SAMD10: variants seen among roughly 807,000 people sequenced by gnomAD.
The protein encoded by SAMD10 is sterile alpha motif domain-containing protein 10.
In SAMD10, 16 loss-of-function variants were observed where a neutral mutation model predicts 22.5. The observed-to-expected ratio is 0.71, with a 90% confidence interval of 0.48 to 1.08. The LOEUF (loss-of-function observed/expected upper bound fraction) is 1.08, where lower values mean the gene tolerates loss of function less well. Among genes scored for constraint, SAMD10 ranks in the 50% least tolerant of loss-of-function variants. The pLI, the probability that SAMD10 is intolerant of heterozygous loss-of-function variation, is 0.00. For missense variants in SAMD10, 227 were observed against 281.3 expected, an observed-to-expected ratio of 0.81 and a Z score of 1.38; for synonymous variants, 118 against 122.2, an observed-to-expected ratio of 0.97 and a Z score of 0.23.
chr20:63,976,127 C>T (rs780423853), intron 3 of SAMD10, among the ~76,000 whole-genome samples: 5 of 151,938 alleles, frequency 3.3e-5, no homozygotes, highest in Non-Finnish European at 7.4e-5. Context: ...GAGCTGAGAT[C>T]GTGCCACTGC....
rs1367448823 is a variant in SAMD10, at chr20:63,975,235, G to A, written c.*275C>T. ...CTGGCTCCAGGCAGCTGCCCCACAT[G>A]CTGCCAGCTGCACCAGGGGAGGGCT... On this transcript the variant is annotated 3_prime_UTR_variant, in exon 5 of 5. Transcript: ENST00000369886. 7 of 513,552 alleles carry A rather than the reference G, an allele frequency of 1.4e-5. No individual in the cohort carries two copies. The highest frequency in any genetic ancestry group is 4.9e-4 in the Middle Eastern group (1 of 2,030). The allele number at this position is 513,552 out of a possible 1,614,324, so 31.8% of individuals were successfully genotyped here.
intron 1 of SAMD10, chr20:63,978,388 G>A: frequency 1.9e-6 from 2 of 1,059,838 alleles, no homozygotes; most frequent in Non-Finnish European, 2.6e-6. Flanking sequence ...GGTGGGCACA[G>A]GCCTGCCCCT....
intron 1 of SAMD10, chr20:63,978,452 C>T (rs2059039812): frequency 2.3e-6 from 1 of 430,438 alleles, no homozygotes; most frequent in Admixed American, 2.9e-5. Flanking sequence ...GAGGTTCCCA[C>T]GCTAGGGCCC....
chr20:63,979,670 T>C (rs1277534763), upstream of SAMD10: 7 of 984,836 alleles, frequency 7.1e-6, no homozygotes, highest in Non-Finnish European at 8.4e-6. This position sits in a 1 kb window ranked among gnomAD's most constrained non-coding sequence, Gnocchi z 7.7. Context: ...AGCTCCGAGG[T>C]GTGTCGGCGG....
chr20:63,975,163 AAAT>A lies in SAMD10; in HGVS notation c.*344_*346del. 1 of 365,528 alleles carries A rather than the reference AAAT, an allele frequency of 2.7e-6. No homozygotes were observed. Among genetic ancestry groups the A allele is most frequent in the Non-Finnish European group, 5.0e-6 (1 of 200,576 alleles). 22.6% of individuals were successfully genotyped at this position (365,528 alleles called of 1,614,324 possible). On this transcript the variant is annotated 3_prime_UTR_variant, in exon 5 of 5. Transcript: ENST00000369886. ...CGACATCACGTGGAGAGGGGAATGTAAATAAACAGACTCCCTGGGAGTCTAGGG... is the reference window on the plus strand; with the variant it reads ...CGACATCACGTGGAGAGGGGAATGTAAAACAGACTCCCTGGGAGTCTAGGG...
rs2059015122 is a variant in SAMD10, at chr20:63,975,427, G to A, written c.*83C>T. 3 of 1,564,200 alleles carry A rather than the reference G, an allele frequency of 1.9e-6. No homozygotes were observed. The highest frequency in any genetic ancestry group is 2.6e-6 in the Non-Finnish European group (3 of 1,138,176). ...CCCGGCATCCCGCAGGGTCCAAGAG[G>A]CGCTGCGGGGCCAGCTTGGCCTCCT... On this transcript the variant is annotated 3_prime_UTR_variant, in exon 5 of 5. Coordinates refer to ENST00000369886, the MANE Select transcript of SAMD10 (RefSeq NM_080621.5).
chr20:63,976,912 G>T, intron 3 of SAMD10, 59 bp downstream of exon 3: 3 of 1,557,688 alleles, frequency 1.9e-6, no homozygotes, highest in Non-Finnish European at 2.7e-6. Context: ...TGAGTGTGGG[G>T]AAGAGACGCT....
At chr20:63,976,522 G>A (rs1569205996) in intron 3 of SAMD10, among the ~76,000 whole-genome samples, 1 of 151,986 alleles carries the variant, frequency 6.6e-6, no homozygotes, top group African/African-American at 2.4e-5. Context: ...CAGCACTTTG[G>A]GAGGCTGAGG....
chr20:63,979,429 A>G lies in SAMD10; in HGVS notation c.39T>C (p.Arg13=). The G allele has an allele frequency of 1.4e-6, 2 of 1,476,358 alleles. No individual in the cohort carries two copies. The highest frequency in any genetic ancestry group is 1.8e-6 in the Non-Finnish European group (2 of 1,120,104). 91.5% of individuals were successfully genotyped at this position (1,476,358 alleles called of 1,614,324 possible). Residue 13 remains arginine, a synonymous_variant, in exon 1 of 5, where the codon CGT becomes CGC. Transcript: ENST00000369886. The surrounding 1 kb of genome is among the most constrained non-coding windows in gnomAD (Gnocchi z 7.7). ...TELRSKLSPP[R]GRAGAVRAGF... The stretch of plus-strand genomic sequence containing the variant: ...CCGCGCGCACGGCCCCGGCGCGGCC[A>G]CGCGGGGGGCTCAGCTTGGACCTCA...
intron 3 of SAMD10, among the ~76,000 whole-genome samples, chr20:63,976,142 C>T (rs1371160384): frequency 6.6e-6 from 1 of 152,020 alleles, no homozygotes; most frequent in Admixed American, 6.5e-5. Flanking sequence ...CACTGCACTC[C>T]AGACTGGATG....
At chr20:63,975,964 G>A (rs375401430) in intron 3 of SAMD10, 132 bp from the exon 4 acceptor site, 4 of 939,734 alleles carry the variant, frequency 4.3e-6, no homozygotes, top group East Asian at 6.2e-5. Flanking sequence ...CTTGAGGTCA[G>A]GAGTTCAAGA....
At position 63,977,208 on chromosome 20, in the gene SAMD10, G is replaced by A. The variant is rs780572636; in HGVS notation, c.273+17C>T. On this transcript the variant is annotated intron_variant, in intron 2 of 4. Coordinates refer to ENST00000369886, the MANE Select transcript of SAMD10 (RefSeq NM_080621.5). The surrounding 1 kb of genome is among the most constrained non-coding windows in gnomAD (Gnocchi z 5.4). ...AGAAGGAGGGCAGGGACGGAGGTGG[G>A]TGGAGTGGGTGGGTACCTGGGGGGT... is the stretch of plus-strand genomic sequence containing the variant. 2.5e-6 allele frequency: 4 copies of A among 1,612,784 alleles called. No individual in the cohort carries two copies. Among genetic ancestry groups the A allele is most frequent in the Non-Finnish European group, 3.4e-6 (4 of 1,179,290 alleles).
At chr20:63,978,515 C>CTAGA (rs1380431325) in intron 1 of SAMD10, among the ~76,000 whole-genome samples, 1 of 152,168 alleles carries the variant, frequency 6.6e-6, no homozygotes, top group African/African-American at 2.4e-5. Flanking sequence ...ACTCAGCCAC[C>CTAGA]CACTCCACAC....
Position 63,979,031 on chromosome 20 carries a change from A to G in SAMD10, c.91+346T>C, listed in dbSNP as rs1195675717. Among the ~76,000 whole-genome samples, 1 of 152,130 alleles carries G rather than the reference A, an allele frequency of 6.6e-6. No individual in the cohort carries two copies. Among genetic ancestry groups the G allele is most frequent in the Non-Finnish European group, 1.5e-5 (1 of 68,024 alleles). The stretch of plus-strand genomic sequence containing the variant: ...AGAAGGAAATGGGGCGGGGGCACCG[A>G]GGCGGGATGTGACCTCGGCCCCCTT... On this transcript the variant is annotated intron_variant, in intron 1 of 4. Transcript: ENST00000369886. The surrounding 1 kb of genome is among the most constrained non-coding windows in gnomAD (Gnocchi z 7.7).
rs765468533 is a variant in SAMD10, at chr20:63,977,292, C to A, written c.206G>T (p.Arg69Leu). ...CCTGCTGCTGGCCGCCCTCTGGCTG[C>A]GGGAGTCATGCCACGTGAGGCTGGT... ...PGTSLTWHDS[R>L]SQRAASSRPI... is the part of the protein sequence containing the mutation. Residue 69 changes from arginine (R) to leucine (L), a missense_variant, in exon 2 of 5, where the codon CGC becomes CTC. By Grantham distance (102) the Arg-to-Leu change is moderately radical. Coordinates refer to ENST00000369886, the MANE Select transcript of SAMD10 (RefSeq NM_080621.5). This position sits in a 1 kb window ranked among gnomAD's most constrained non-coding sequence, Gnocchi z 5.4. The A allele has an allele frequency of 1.9e-6, 3 of 1,613,278 alleles. No homozygotes were observed. The highest frequency in any genetic ancestry group is 2.5e-6 in the Non-Finnish European group (3 of 1,180,020).
At position 63,975,393 on chromosome 20, in the gene SAMD10, C is replaced by T; in HGVS notation, c.*117G>A. The T allele has an allele frequency of 7.5e-7, 1 of 1,331,780 alleles. No individual in the cohort carries two copies. Among genetic ancestry groups the T allele is most frequent in the Non-Finnish European group, 1.1e-6 (1 of 946,860 alleles). 82.5% of individuals were successfully genotyped at this position (1,331,780 alleles called of 1,614,324 possible). A position where few individuals can be genotyped will look rare whatever the true frequency, so the allele number is the denominator to read the frequency against. On this transcript the variant is annotated 3_prime_UTR_variant, in exon 5 of 5. Coordinates refer to ENST00000369886, the MANE Select transcript of SAMD10 (RefSeq NM_080621.5). ...TGGTCCTGTCTGTCCGTTGGGCCAGCCTGGCCGCCCCGGCATCCCGCAGGG... is the reference window on the plus strand; with the variant it reads ...TGGTCCTGTCTGTCCGTTGGGCCAGTCTGGCCGCCCCGGCATCCCGCAGGG...
Position 63,977,025 on chromosome 20 carries a change from A to G in SAMD10, c.391T>C (p.Cys131Arg), listed in dbSNP as rs574706458. Residue 131 changes from cysteine to arginine, a missense_variant, in exon 3 of 5, where the codon TGT becomes CGT. Cys to Arg is a radical substitution (Grantham distance 180, BLOSUM62 -3). Coordinates refer to ENST00000369886, the MANE Select transcript of SAMD10 (RefSeq NM_080621.5). This position sits in a 1 kb window ranked among gnomAD's most constrained non-coding sequence, Gnocchi z 5.4. Reference protein sequence around the residue: ...QDVCKWLKKHCPHNYLVYVEA... With the variant: ...QDVCKWLKKHRPHNYLVYVEA... Reference sequence around the variant, plus strand: ...ACGTAGACGAGGTAGTTGTGGGGACAGTGCTTCTTGAGCCACTTGCAGACG... The same window carrying G: ...ACGTAGACGAGGTAGTTGTGGGGACGGTGCTTCTTGAGCCACTTGCAGACG... 1 of 1,614,178 alleles carries G rather than the reference A, an allele frequency of 6.2e-7. No individual in the cohort carries two copies. The highest frequency in any genetic ancestry group is 1.1e-5 in the South Asian group (1 of 91,088).
intron 3 of SAMD10, among the ~76,000 whole-genome samples, chr20:63,976,569 C>A: frequency 6.6e-6 from 1 of 151,468 alleles, no homozygotes. Flanking sequence ...TCGAGATCAT[C>A]CTGGGCAACA....
chr20:63,975,875 A>G (rs748286262), intron 3 of SAMD10, 43 bp from the exon 4 acceptor site: 61 of 1,513,472 alleles, frequency 4.0e-5, no homozygotes, highest in Non-Finnish European at 5.2e-5. Context: ...CAACAGAGGC[A>G]TCAAGAGCCA....
Sources: allele counts gnomAD v4.1 joint callset (sites outside exome capture counted in the v4.1 genomes callset), GRCh38; gene constraint gnomAD v4.1.1; non-coding constraint Gnocchi (gnomAD v3.1); transcripts MANE v1.5; gene names NCBI Gene and HGNC (gene_info 2026-07-23, HGNC 2026-07-21).